Variants in DOCK4 observed in about 807,000 individuals in gnomAD.
DOCK4 encodes dedicator of cytokinesis 4, also known as dedicator of cytokinesis protein 4.
Under a neutral mutation model 268.1 loss-of-function variants are expected in DOCK4, and 97 were observed. That is an observed-to-expected ratio of 0.36 (90% CI 0.31 to 0.43). The LOEUF is 0.43. Among genes scored for constraint, DOCK4 ranks in the 20% least tolerant of loss-of-function variants. The probability of loss-of-function intolerance (pLI) is 1.00; values close to 1 mark genes in which losing one functional copy is unlikely to be tolerated. For synonymous variants in DOCK4, 954 were observed against 887.2 expected, an observed-to-expected ratio of 1.08 and a Z score of -1.34; for missense variants, 2,145 against 2,455.7, an observed-to-expected ratio of 0.87 and a Z score of 2.67.
intron 27 of DOCK4, among the ~76,000 whole-genome samples, chr7:111,815,601 C>CATTTATTT (rs1491474391): frequency 6.6e-6 from 1 of 151,168 alleles, no homozygotes; most frequent in African/African-American, 2.5e-5. Flanking sequence ...TTTATTTATT[C>CATTTATTT]ATTTATTTAT....
intron 17 of DOCK4, among the ~76,000 whole-genome samples, chr7:111,874,282 C>T (rs1806660975): frequency 1.3e-5 from 2 of 152,148 alleles, no homozygotes; most frequent in African/African-American, 4.8e-5. Flanking sequence ...GTTGCAGGGG[C>T]CATCAGGACC....
chr7:112,077,935 A>G (rs2135703535), intron 1 of DOCK4, among the ~76,000 whole-genome samples: 1 of 152,234 alleles, frequency 6.6e-6, no homozygotes, highest in Non-Finnish European at 1.5e-5. Context: ...AGAGAATAAT[A>G]AGTGTTGATC....
chr7:112,204,984 G>A (rs1382270096), intron 1 of DOCK4, among the ~76,000 whole-genome samples: 1 of 152,040 alleles, frequency 6.6e-6, no homozygotes, highest in African/African-American at 2.4e-5. Flanking sequence ...CTTTCTGTTA[G>A]ACCTTCTGGG....
chr7:111,728,252 C>T lies in DOCK4; in HGVS notation c.*22G>A, dbSNP rs1456897712. 4.8e-6 allele frequency: 7 copies of T among 1,457,380 alleles called. No homozygotes were observed. The East Asian group carries it at 1.2e-4, about 25-fold the overall frequency. 90.3% of individuals were successfully genotyped at this position (1,457,380 alleles called of 1,614,324 possible). A position where few individuals can be genotyped will look rare whatever the true frequency, so the allele number is the denominator to read the frequency against. ...TTTTGTAAACGGGCAAAGAATGCAT[C>T]GCAGGTACATAGAAAAGTGACTTAT... On this transcript the variant is annotated 3_prime_UTR_variant, in exon 53 of 53. Coordinates refer to ENST00000428084, the MANE Select transcript of DOCK4 (RefSeq NM_001363540.2).
intron 26 of DOCK4, among the ~76,000 whole-genome samples, chr7:111,833,780 T>C (rs558996499): frequency 5.1e-4 from 77 of 152,284 alleles, no homozygotes; most frequent in African/African-American, 1.8e-3. Context: ...CAACAATTTC[T>C]TCCCCTAAGG....
intron 12 of DOCK4, among the ~76,000 whole-genome samples, chr7:111,919,711 C>A (rs1435965052): frequency 6.6e-6 from 1 of 152,174 alleles, no homozygotes; most frequent in Non-Finnish European, 1.5e-5. Context: ...CAAAGGTTAA[C>A]AGGACACAGT....
At chr7:112,023,514 G>A in intron 1 of DOCK4, 1 of 352,896 alleles carries the variant, frequency 2.8e-6, no homozygotes, top group South Asian at 2.2e-5. Flanking sequence ...CAAAAGCTCA[G>A]GAAGAAAGCA....
chr7:112,120,591 T>C (rs1812644900), intron 1 of DOCK4, among the ~76,000 whole-genome samples: 1 of 152,196 alleles, frequency 6.6e-6, no homozygotes, highest in Non-Finnish European at 1.5e-5. Context: ...ATAAACCTGG[T>C]TTGACATAAA....
At chr7:112,034,595 G>C (rs1160966868) in intron 1 of DOCK4, among the ~76,000 whole-genome samples, 1 of 152,162 alleles carries the variant, frequency 6.6e-6, no homozygotes, top group Non-Finnish European at 1.5e-5. Context: ...AGTGGGCAGG[G>C]GCCTAGGGTA....
chr7:112,090,593 G>A (rs1404483456), intron 1 of DOCK4, among the ~76,000 whole-genome samples: 1 of 152,070 alleles, frequency 6.6e-6, no homozygotes, highest in African/African-American at 2.4e-5. Flanking sequence ...TTGCAGTAAG[G>A]GCAAATTGGT....
chr7:111,952,074 T>C (rs1199709346), intron 8 of DOCK4, among the ~76,000 whole-genome samples: 1 of 143,466 alleles, frequency 7.0e-6, no homozygotes, highest in South Asian at 2.2e-4. Context: ...CTGGGCAAGA[T>C]AGCAAAGTCC....
chr7:112,159,643 C>A (rs1466067662), intron 1 of DOCK4, among the ~76,000 whole-genome samples: 1 of 152,038 alleles, frequency 6.6e-6, no homozygotes, highest in Non-Finnish European at 1.5e-5. Context: ...CTGTTGGGAT[C>A]TAGCACTTAT....
At chr7:112,077,671 G>A (rs1013029232) in intron 1 of DOCK4, among the ~76,000 whole-genome samples, 20 of 151,998 alleles carry the variant, frequency 1.3e-4, no homozygotes, top group Non-Finnish European at 2.4e-4. Flanking sequence ...TAATATGTGC[G>A]TGTGTGTGTT....
At chr7:111,799,408 C>G (rs902875192) in intron 30 of DOCK4, among the ~76,000 whole-genome samples, 4 of 152,192 alleles carry the variant, frequency 2.6e-5, no homozygotes, top group African/African-American at 9.7e-5. Context: ...ACAGAGCCAC[C>G]TTTATTCGAC....
intron 23 of DOCK4, among the ~76,000 whole-genome samples, chr7:111,861,357 A>G (rs1296760259): frequency 6.6e-6 from 1 of 152,238 alleles, no homozygotes; most frequent in East Asian, 1.9e-4. Flanking sequence ...CAGGAGAAAA[A>G]ATAAATTAAC....
intron 1 of DOCK4, among the ~76,000 whole-genome samples, chr7:112,108,608 G>C (rs1382233088): frequency 6.6e-6 from 1 of 152,142 alleles, no homozygotes; most frequent in Non-Finnish European, 1.5e-5. Flanking sequence ...GTGAAACTTA[G>C]ATAATTAAAA....
At chr7:111,909,458 T>C (rs1452186024) in intron 13 of DOCK4, among the ~76,000 whole-genome samples, 1 of 152,230 alleles carries the variant, frequency 6.6e-6, no homozygotes, top group Non-Finnish European at 1.5e-5. Context: ...ATTTGAACTA[T>C]AAAGACACAT....
At chr7:112,146,584 T>C (rs1698408109) in intron 1 of DOCK4, among the ~76,000 whole-genome samples, 1 of 152,066 alleles carries the variant, frequency 6.6e-6, no homozygotes, top group Admixed American at 6.6e-5. Context: ...CTATAAAAAT[T>C]AGCTGGGTGT....
chr7:112,144,280 C>T (rs1350894849), intron 1 of DOCK4, among the ~76,000 whole-genome samples: 5 of 152,158 alleles, frequency 3.3e-5, no homozygotes, highest in Admixed American at 3.3e-4. Context: ...TATAAGTAGT[C>T]CACTATGAAC....
Sources: allele counts gnomAD v4.1 joint callset (sites outside exome capture counted in the v4.1 genomes callset), GRCh38; gene constraint gnomAD v4.1.1; transcripts MANE v1.5; gene names NCBI Gene and HGNC (gene_info 2026-07-23, HGNC 2026-07-21).